Variants in NFIC observed in about 807,000 individuals in gnomAD.
NFIC encodes the protein nuclear factor 1 C-type.
Under a neutral mutation model 54.4 loss-of-function variants are expected in NFIC, and 12 were observed. The ratio of observed to expected loss-of-function variants is 0.22; its 90% CI spans 0.14 to 0.36. The LOEUF (loss-of-function observed/expected upper bound fraction) is 0.36, where lower values mean the gene tolerates loss of function less well. Ranked by LOEUF, NFIC falls within the 10% of genes least tolerant of loss-of-function variation. NFIC has a pLI of 1.00. For missense variants in NFIC, 575 were observed against 718.2 expected (o/e 0.80, Z 2.28); for synonymous variants, 322 against 319.2 (o/e 1.01, Z -0.09).
At chr19:3,414,884 G>A (rs1412806543) in intron 2 of NFIC, among the ~76,000 whole-genome samples, 2 of 152,072 alleles carry the variant, frequency 1.3e-5, no homozygotes, top group Non-Finnish European at 2.9e-5. Flanking sequence ...CTGTGGCCCA[G>A]GCTGGAGTGC....
At chr19:3,429,245 A>AT (rs1158657328) in intron 3 of NFIC, among the ~76,000 whole-genome samples, 6 of 45,780 alleles carry the variant, frequency 1.3e-4, no homozygotes, top group East Asian at 1.2e-3. Flanking sequence ...AAAAAAAAAA[A>AT]AAATATATAC....
At chr19:3,429,644 T>A (rs1358285607) in intron 3 of NFIC, among the ~76,000 whole-genome samples, 1 of 152,072 alleles carries the variant, frequency 6.6e-6, no homozygotes, top group Non-Finnish European at 1.5e-5. Context: ...TCTGCAGAAC[T>A]GGACACAGCC....
At position 3,463,159 on chromosome 19, in the gene NFIC, C is replaced by G. The variant is rs1468096421; in HGVS notation, c.*390C>G. 5.6e-6 allele frequency: 6 copies of G among 1,073,892 alleles called. No homozygotes were observed. Among genetic ancestry groups the G allele is most frequent in the Non-Finnish European group, 6.8e-6 (6 of 886,642 alleles). The allele number at this position is 1,073,892 out of a possible 1,614,324, so 66.5% of individuals were successfully genotyped here. ...CTGCTCGGGAAGGACAGACGCCGGC[C>G]GCCCGCCCGCGCCCCGGAGGCCCTG... On this transcript the variant is annotated 3_prime_UTR_variant, in exon 11 of 11. Coordinates refer to ENST00000443272, the MANE Select transcript of NFIC (RefSeq NM_001245002.2).
intron 1 of NFIC, among the ~76,000 whole-genome samples, chr19:3,368,652 T>A (rs2080940319): frequency 1.3e-5 from 2 of 151,614 alleles, no homozygotes. Context: ...ACCCCAGCCC[T>A]GTAGTGGAGC....
chr19:3,407,081 A>G (rs193118129), intron 2 of NFIC, among the ~76,000 whole-genome samples: 74 of 152,018 alleles, frequency 4.9e-4, no homozygotes, highest in African/African-American at 1.8e-3. Flanking sequence ...GGAGATGGGG[A>G]GAACTTGGAC....
intron 1 of NFIC, among the ~76,000 whole-genome samples, chr19:3,381,065 A>G (rs1599577521): frequency 6.6e-6 from 1 of 152,038 alleles, no homozygotes. Context: ...TGGCCCCCTT[A>G]GCTTGCTCCA....
In NFIC at chr19:3,369,018, T is replaced by C. The variant is rs187073917; in HGVS notation, c.30+2352T>C. Among the ~76,000 whole-genome samples, 55 of 152,170 alleles carry C rather than the reference T, an allele frequency of 3.6e-4. No homozygotes were observed. The East Asian group carries it at 0.01, about 28-fold the overall frequency. ...TTCACTCCCAGTCACTGTTGGTCTC[T>C]TTGTGTCTCTCTTTCTCATCCTCTG... is the stretch of plus-strand genomic sequence containing the variant. On this transcript the variant is annotated intron_variant, in intron 1 of 10. Coordinates refer to ENST00000443272, the MANE Select transcript of NFIC (RefSeq NM_001245002.2). The surrounding 1 kb of genome is among the most constrained non-coding windows in gnomAD (Gnocchi z 4.3).
chr19:3,388,959 CAT>C (rs1317478748), intron 2 of NFIC, among the ~76,000 whole-genome samples: 4 of 152,142 alleles, frequency 2.6e-5, no homozygotes, highest in African/African-American at 9.7e-5. Context: ...GAGCTGAGCT[CAT>C]GCCACTGCAC....
chr19:3,435,966 A>T (rs2082195807), intron 6 of NFIC, among the ~76,000 whole-genome samples: 2 of 151,816 alleles, frequency 1.3e-5, no homozygotes, highest in African/African-American at 4.8e-5. Flanking sequence ...AACTGGGATT[A>T]CAGGCATGCA....
intron 3 of NFIC, among the ~76,000 whole-genome samples, chr19:3,431,847 C>T (rs375497241): frequency 5.0e-4 from 76 of 152,316 alleles, no homozygotes; most frequent in African/African-American, 1.7e-3. Flanking sequence ...GGCTAGACCA[C>T]GCTGTGTTTA....
At chr19:3,436,880 T>C (rs936530780) in intron 6 of NFIC, among the ~76,000 whole-genome samples, 2 of 152,192 alleles carry the variant, frequency 1.3e-5, no homozygotes, top group Non-Finnish European at 1.5e-5. Context: ...TCTAGCTCTG[T>C]GTGCTGTGTA....
intron 3 of NFIC, among the ~76,000 whole-genome samples, chr19:3,429,249 T>TAC (rs1568443742): frequency 1.1e-4 from 3 of 27,136 alleles, no homozygotes; most frequent in South Asian, 1.2e-3. Context: ...AAAAAAAAAA[T>TAC]ATATACACAC....
At chr19:3,429,127 A>AT (rs2082073930) in intron 3 of NFIC, among the ~76,000 whole-genome samples, 1 of 85,804 alleles carries the variant, frequency 1.2e-5, no homozygotes, top group Admixed American at 1.5e-4. Flanking sequence ...TCTACCCAAA[A>AT]AAAAAATATA....
intron 6 of NFIC, among the ~76,000 whole-genome samples, chr19:3,436,525 G>A (rs1006048154): frequency 1.3e-5 from 2 of 149,740 alleles, no homozygotes; most frequent in Admixed American, 6.7e-5. Context: ...ACCCAGGCTG[G>A]AGTGCAGTGG....
rs929604521 is a variant in NFIC at position 3,453,963 on chromosome 19, G to A, written c.1423+47G>A. 2 of 1,470,030 alleles carry A rather than the reference G, an allele frequency of 1.4e-6. No homozygotes were observed. The highest frequency in any genetic ancestry group is 5.1e-5 in the Admixed American group (2 of 39,254). 91.1% of individuals were successfully genotyped at this position (1,470,030 alleles called of 1,614,324 possible). ...CCCTGGTGGGGCGGATGTCCGCAGGGGGGCCTGTCCCCTCCCCAGCCCCAC... is the reference window on the plus strand; with the variant it reads ...CCCTGGTGGGGCGGATGTCCGCAGGAGGGCCTGTCCCCTCCCCAGCCCCAC... On this transcript the variant is annotated intron_variant, in intron 9 of 10. Coordinates refer to ENST00000443272, the MANE Select transcript of NFIC (RefSeq NM_001245002.2). The surrounding 1 kb of genome is among the most constrained non-coding windows in gnomAD (Gnocchi z 6.7).
At chr19:3,406,940 G>T (rs2081659131) in intron 2 of NFIC, among the ~76,000 whole-genome samples, 1 of 151,640 alleles carries the variant, frequency 6.6e-6, no homozygotes, top group South Asian at 2.1e-4. Context: ...GCAGGACCGT[G>T]CCTGGTGCAT....
intron 2 of NFIC, among the ~76,000 whole-genome samples, chr19:3,402,707 C>T (rs1416636632): frequency 1.3e-5 from 2 of 152,208 alleles, no homozygotes; most frequent in Non-Finnish European, 2.9e-5. Flanking sequence ...CAGCGTAGAC[C>T]TCTCTGAGAA....
intron 2 of NFIC, among the ~76,000 whole-genome samples, chr19:3,404,042 C>A (rs1054711379): frequency 1.3e-5 from 2 of 151,034 alleles, no homozygotes; most frequent in African/African-American, 2.4e-5. Context: ...CCTTTCCCCC[C>A]ATCCCTTCCC....
rs2080949961 is a variant in NFIC at position 3,369,029 on chromosome 19, C to G, written c.30+2363C>G. ...TCACTGTTGGTCTCTTTGTGTCTCTCTTTCTCATCCTCTGTCTCTCTGATG... is the reference window on the plus strand; with the variant it reads ...TCACTGTTGGTCTCTTTGTGTCTCTGTTTCTCATCCTCTGTCTCTCTGATG... On this transcript the variant is annotated intron_variant, in intron 1 of 10. Coordinates refer to ENST00000443272, the MANE Select transcript of NFIC (RefSeq NM_001245002.2). This position sits in a 1 kb window ranked among gnomAD's most constrained non-coding sequence, Gnocchi z 4.3. 6.6e-6 allele frequency among the ~76,000 whole-genome samples: 1 copy of G among 151,918 alleles called. No homozygotes were observed. The highest frequency in any genetic ancestry group is 1.5e-5 in the Non-Finnish European group (1 of 67,986).
Sources: gnomAD v4.1 joint callset for allele counts (sites outside exome capture counted in the v4.1 genomes callset) on GRCh38, gnomAD v4.1.1 for gene constraint, Gnocchi (gnomAD v3.1) non-coding constraint, MANE v1.5 for transcripts, NCBI Gene and HGNC (gene_info 2026-07-23, HGNC 2026-07-21) for gene names.